The following HPS1 variants were observed in gnomAD, a reference collection of about 807,000 sequenced individuals.
The protein encoded by HPS1 is BLOC-3 complex member HPS1.
Under a neutral mutation model 90.6 loss-of-function variants are expected in HPS1, and 59 were observed. The observed-to-expected ratio is 0.65, with a 90% confidence interval of 0.53 to 0.81. The LOEUF (loss-of-function observed/expected upper bound fraction) is 0.81, where lower values mean the gene tolerates loss of function less well. Among genes scored for constraint, HPS1 ranks in the 30% least tolerant of loss-of-function variants. The pLI, the probability that HPS1 is intolerant of heterozygous loss-of-function variation, is 0.00. For synonymous variants in HPS1, 388 were observed against 384.4 expected (o/e 1.01, Z -0.11); for missense variants, 849 against 896.7 (o/e 0.95, Z 0.68).
rs1021054862 is a variant in HPS1 at position 98,416,471 on chromosome 10, A to C, written c.*1093T>G. 1.3e-5 allele frequency: 2 copies of C among 152,392 alleles called. No homozygotes were observed. The highest frequency in any genetic ancestry group is 2.9e-5 in the Non-Finnish European group (2 of 68,056). 9.4% of individuals were successfully genotyped at this position (152,392 alleles called of 1,614,324 possible). ...CAGTCACCTGAGGGGATACTTCCTC[A>C]CTGCCACCTTCTCAGGGTTTAGACC... On this transcript the variant is annotated 3_prime_UTR_variant, in exon 20 of 20. Coordinates refer to ENST00000361490, the MANE Select transcript of HPS1 (RefSeq NM_000195.5).
At position 98,425,579 on chromosome 10, in the gene HPS1, C is replaced by T. The variant is rs745704207; in HGVS notation, c.1297G>A (p.Asp433Asn). ...PLVGDLRQRM[D>N]KFVKNRGAQE... The stretch of plus-strand genomic sequence containing the variant: ...GCCCCTCGATTCTTGACAAACTTGT[C>T]CATCCTCTGGCGCAGGTCTCCCACG... The change falls in exon 13 of 20, where the codon GAC (aspartate) becomes AAC (asparagine). Residue 433 changes from aspartate (D) to asparagine (N), a missense_variant. Asp to Asn is a conservative substitution (Grantham distance 23). Coordinates refer to ENST00000361490, the MANE Select transcript of HPS1 (RefSeq NM_000195.5). The T allele has an allele frequency of 1.9e-6, 3 of 1,613,580 alleles. No individual in the cohort carries two copies. The highest frequency in any genetic ancestry group is 1.1e-5 in the South Asian group (1 of 90,870).
At chr10:98,414,230 C>G (rs960231757), downstream of HPS1, 1 of 152,040 alleles carries the variant, frequency 6.6e-6, no homozygotes, top group South Asian at 2.1e-4. Context: ...TGTTGAGTGC[C>G]GTCTGCTTTC....
At position 98,418,197 on chromosome 10, in the gene HPS1, T is replaced by G; in HGVS notation, c.1918A>C (p.Met640Leu). Residue 640 changes from methionine to leucine, a missense_variant, in exon 19 of 20, where the codon ATG becomes CTG. Coordinates refer to ENST00000361490, the MANE Select transcript of HPS1 (RefSeq NM_000195.5). ...VLSDDSVPIG[M>L]LGGDYYRKLL... is the part of the protein sequence containing the mutation. ...CACCTGTAGTAGTCTCCTCCCAGCA[T>G]GCCGATAGGCACTGAGTCGTCGGAG... 1 of 1,609,042 alleles carries G rather than the reference T, an allele frequency of 6.2e-7. No homozygotes were observed. The highest frequency in any genetic ancestry group is 8.5e-7 in the Non-Finnish European group (1 of 1,176,518).
rs1266787362 is a variant in HPS1, at chr10:98,423,494, G to C, written c.1598+109C>G. ...GAGGTGGTGAGCAGCTGATGGGGTGGAACATATATCCCCCTTCCCTGGGGC... is the reference window on the plus strand; with the variant it reads ...GAGGTGGTGAGCAGCTGATGGGGTGCAACATATATCCCCCTTCCCTGGGGC... On this transcript the variant is annotated intron_variant, in intron 16 of 19. Coordinates refer to ENST00000361490, the MANE Select transcript of HPS1 (RefSeq NM_000195.5). 9 of 1,006,558 alleles carry C rather than the reference G, an allele frequency of 8.9e-6. No homozygotes were observed. The Admixed American group carries it at 1.4e-4, about 15-fold the overall frequency. 62.4% of individuals were successfully genotyped at this position (1,006,558 alleles called of 1,614,324 possible). A position where few individuals can be genotyped will look rare whatever the true frequency, so the allele number is the denominator to read the frequency against.
intron 13 of HPS1, 85 bp from the exon 14 acceptor site, chr10:98,424,459 GAGAGGGCACAGGGCCCCC>G (rs2136142942): frequency 8.2e-7 from 1 of 1,217,010 alleles, no homozygotes; most frequent in Admixed American, 1.9e-5. Flanking sequence ...ATCAGGCTCT[GAGAGGGCACAGGGCCCCC>G]AGACAAATCT....
At chr10:98,414,656 C>T (rs1843922545), downstream of HPS1, 1 of 187,220 alleles carries the variant, frequency 5.3e-6, no homozygotes, top group Non-Finnish European at 1.1e-5. Flanking sequence ...CTTTCCAACC[C>T]TTACAAACCA....
intron 11 of HPS1, among the ~76,000 whole-genome samples, chr10:98,426,367 A>G (rs1178767330): frequency 6.6e-6 from 1 of 152,218 alleles, no homozygotes; most frequent in Non-Finnish European, 1.5e-5. Context: ...TATCATTTCA[A>G]TCACCCTCAG....
chr10:98,429,203 T>A, intron 10 of HPS1: 1 of 1,038,076 alleles, frequency 9.6e-7, no homozygotes, highest in Non-Finnish European at 1.2e-6. Context: ...AAACAAAGTA[T>A]AAACTACAGA....
At chr10:98,440,689 T>A (rs554821624) in intron 3 of HPS1, among the ~76,000 whole-genome samples, 1 of 151,902 alleles carries the variant, frequency 6.6e-6, no homozygotes, top group Non-Finnish European at 1.5e-5. Flanking sequence ...AATTAACTCA[T>A]TATTTATATG....
intron 10 of HPS1, among the ~76,000 whole-genome samples, chr10:98,427,687 T>C (rs1845802393): frequency 6.6e-6 from 1 of 152,166 alleles, no homozygotes; most frequent in Non-Finnish European, 1.5e-5. Context: ...CCCATTCATT[T>C]ATTCAACCGG....
At chr10:98,440,839 C>A (rs1397259963) in intron 3 of HPS1, among the ~76,000 whole-genome samples, 1 of 152,040 alleles carries the variant, frequency 6.6e-6, no homozygotes, top group Non-Finnish European at 1.5e-5. Context: ...AAGAGAAAGG[C>A]CACCAAATAG....
intron 1 of HPS1, 51 bp downstream of exon 1, chr10:98,446,756 G>C (rs940063755): frequency 1.3e-5 from 2 of 152,380 alleles, no homozygotes; most frequent in Non-Finnish European, 2.9e-5. Flanking sequence ...CACACGCCCG[G>C]AGTGGGTGAG....
intron 3 of HPS1, among the ~76,000 whole-genome samples, chr10:98,437,815 C>T (rs1405806509): frequency 2.0e-5 from 3 of 152,186 alleles, no homozygotes; most frequent in African/African-American, 7.2e-5. Flanking sequence ...CATGGTTAAG[C>T]TTTGTGTCCC....
rs550868156 is a variant in HPS1, at chr10:98,429,681, C to T, written c.868-39G>A. On this transcript the variant is annotated intron_variant, in intron 9 of 19. Transcript: ENST00000361490. ...GGTGGCTCAGGTTGAGAGGCTCTCCCAGCTGGCTCAACCCTGTCCCTGCTC... is the reference window on the plus strand; with the variant it reads ...GGTGGCTCAGGTTGAGAGGCTCTCCTAGCTGGCTCAACCCTGTCCCTGCTC... 4 of 1,614,086 alleles carry T rather than the reference C, an allele frequency of 2.5e-6. No individual in the cohort carries two copies. The South Asian group carries it at 4.4e-5, about 18-fold the overall frequency.
Position 98,421,180 on chromosome 10 carries a change from G to A in HPS1, c.1744-1022C>T, listed in dbSNP as rs150806808. The stretch of plus-strand genomic sequence containing the variant: ...GCGATCTGCTCCAAACTGCATCGCC[G>A]TGTGATTACTCATTAAATCTGCCAT... On this transcript the variant is annotated intron_variant, in intron 17 of 19. Transcript: ENST00000361490. Among the ~76,000 whole-genome samples the A allele has an allele frequency of 2.8e-3, 421 of 152,324 alleles. 2 individuals carry two copies. The highest frequency in any genetic ancestry group is 9.7e-3 in the African/African-American group (404 of 41,566).
At position 98,422,490 on chromosome 10, in the gene HPS1, A is replaced by G. The variant is rs1345509221; in HGVS notation, c.1622T>C (p.Leu541Ser). 1 of 1,614,176 alleles carries G rather than the reference A, an allele frequency of 6.2e-7. No homozygotes were observed. The highest frequency in any genetic ancestry group is 8.5e-7 in the Non-Finnish European group (1 of 1,180,036). The change falls in exon 17 of 20, where the codon TTG becomes TCG. Residue 541 changes from leucine (L) to serine (S), a missense_variant. Transcript: ENST00000361490. ...MVSYLEDFPG[L>S]VHFIYVDRTT... ...GCGGTCCACATAGATGAAGTGCACC[A>G]AGCCTGGGAAGTCTTCTAGGTAGGT...
chr10:98,444,837 C>G (rs996501401), intron 2 of HPS1, among the ~76,000 whole-genome samples: 3 of 152,206 alleles, frequency 2.0e-5, no homozygotes, highest in Non-Finnish European at 4.4e-5. Context: ...AAGGAGGTTG[C>G]TGGGAGAGGC....
At position 98,430,579 on chromosome 10, in the gene HPS1, C is replaced by T. The variant is rs376078258; in HGVS notation, c.760G>A (p.Asp254Asn). ...LYPSESTAED[D>N]IQPSPRRARS... ...GAAAGCTGCCCTGAGACCTGAATGT[C>T]GTCCTCTGCTGTGCTCTCGCTGGGG... Residue 254 changes from aspartate to asparagine, a missense_variant, in exon 8 of 20, where the codon GAC becomes AAC. Transcript: ENST00000361490. 33 of 1,552,666 alleles carry T rather than the reference C, an allele frequency of 2.1e-5. No individual in the cohort carries two copies. In the African/African-American group the frequency reaches 2.3e-4, roughly 11 times the overall value.
chr10:98,423,708 C>A (rs377376413), intron 15 of HPS1, 40 bp from the exon 16 acceptor site: 163 of 1,613,958 alleles, frequency 1.0e-4, no homozygotes, highest in Non-Finnish European at 1.3e-4. Flanking sequence ...GAAGTACGGG[C>A]CCCAGACCCT....
Sources: allele counts gnomAD v4.1 joint callset (sites outside exome capture counted in the v4.1 genomes callset), GRCh38; gene constraint gnomAD v4.1.1; transcripts MANE v1.5; gene names NCBI Gene and HGNC (gene_info 2026-07-23, HGNC 2026-07-21).